Variants in USH2A observed in about 807,000 individuals in gnomAD.
USH2A encodes Usher syndrome 2A (autosomal recessive, mild).
Under a neutral mutation model 538.9 loss-of-function variants are expected in USH2A, and 443 were observed. The observed-to-expected ratio is 0.82, with a 90% CI of 0.76 to 0.89. The LOEUF is 0.89. Among genes scored for constraint, USH2A ranks in the 40% least tolerant of loss-of-function variants. USH2A has a pLI of 0.00. For synonymous variants in USH2A, 2,413 were observed against 2,273.5 expected, an observed-to-expected ratio of 1.06 and a Z score of -1.75; for missense variants, 6,633 against 6,324.8, an observed-to-expected ratio of 1.05 and a Z score of -1.65.
At chr1:215,833,974 A>C (rs1272224967) in intron 47 of USH2A, among the ~76,000 whole-genome samples, 1 of 152,254 alleles carries the variant, frequency 6.6e-6, no homozygotes, top group South Asian at 2.1e-4. Flanking sequence ...ATTAGTCATT[A>C]GGGAAAATGT....
chr1:215,667,620 C>T (rs1657671870), intron 64 of USH2A, among the ~76,000 whole-genome samples: 1 of 151,894 alleles, frequency 6.6e-6, no homozygotes, highest in Non-Finnish European at 1.5e-5. Context: ...ATTGCTTAAA[C>T]CCGGGAGGCG....
chr1:215,907,554 G>A (rs966951782), intron 38 of USH2A, among the ~76,000 whole-genome samples: 16 of 152,000 alleles, frequency 1.1e-4, no homozygotes, highest in African/African-American at 3.6e-4. Context: ...CCCAACACAG[G>A]AAGGCACTGA....
At chr1:215,780,117 TG>T in intron 54 of USH2A, 76 bp from the exon 55 acceptor site, 1 of 1,510,626 alleles carries the variant, frequency 6.6e-7, no homozygotes, top group Non-Finnish European at 9.1e-7. Flanking sequence ...ATGTCACTTT[TG>T]TTTTAAAATG....
chr1:216,292,070 G>T, intron 10 of USH2A, 105 bp downstream of exon 10: 1 of 1,309,192 alleles, frequency 7.6e-7, no homozygotes, highest in Non-Finnish European at 1.1e-6. Context: ...AGGTATGAAA[G>T]TACATCCTTA....
chr1:216,362,361 A>G (rs1041704935), intron 4 of USH2A, among the ~76,000 whole-genome samples: 1 of 152,164 alleles, frequency 6.6e-6, no homozygotes, highest in African/African-American at 2.4e-5. Context: ...TTAATGGCCA[A>G]ATAATTCTGA....
chr1:216,207,031 G>C (rs1214517144), intron 16 of USH2A, among the ~76,000 whole-genome samples: 2 of 151,966 alleles, frequency 1.3e-5, no homozygotes, highest in African/African-American at 2.4e-5. Flanking sequence ...ATCAATTCTT[G>C]ATGGGGTCAT....
At chr1:216,064,306 C>A (rs186833819) in intron 30 of USH2A, among the ~76,000 whole-genome samples, 1 of 152,244 alleles carries the variant, frequency 6.6e-6, no homozygotes, top group Admixed American at 6.5e-5. Context: ...CAGCCCTGGA[C>A]AGGCCACCAT....
At chr1:216,249,988 A>T (rs539680692) in intron 12 of USH2A, among the ~76,000 whole-genome samples, 1 of 152,242 alleles carries the variant, frequency 6.6e-6, no homozygotes, top group East Asian at 1.9e-4. Flanking sequence ...GTCTTGAATG[A>T]CAATAGAAAG....
chr1:215,796,009 G>A (rs931855239), intron 50 of USH2A, among the ~76,000 whole-genome samples: 5 of 134,280 alleles, frequency 3.7e-5, no homozygotes, highest in Non-Finnish European at 8.1e-5. Context: ...GAAAATAAAT[G>A]TTTTTCAAAT....
At chr1:215,879,567 ATCATTAT>A (rs1664857719) in intron 41 of USH2A, among the ~76,000 whole-genome samples, 1 of 152,180 alleles carries the variant, frequency 6.6e-6, no homozygotes, top group Non-Finnish European at 1.5e-5. Context: ...GGAAAGAGAA[ATCATTAT>A]TCATATTTTC....
rs113454299 is a variant in USH2A at position 215,714,672 on chromosome 1, G to A, written c.12066+13358C>T. Among the ~76,000 whole-genome samples the A allele has an allele frequency of 1.6e-3, 243 of 152,272 alleles. 1 individual carries two copies. Among genetic ancestry groups the A allele is most frequent in the Non-Finnish European group, 2.9e-3 (199 of 68,012 alleles). Reference sequence around the variant, plus strand: ...GGCAACTCTCCTCTGGGAATTAAAAGTAGTTTTCCCTTCAAATTTTTCTAC... The same window carrying A: ...GGCAACTCTCCTCTGGGAATTAAAAATAGTTTTCCCTTCAAATTTTTCTAC... On this transcript the variant is annotated intron_variant, in intron 61 of 71. Transcript: ENST00000307340.
At chr1:215,985,155 A>T (rs569169936) in intron 35 of USH2A, among the ~76,000 whole-genome samples, 1 of 152,338 alleles carries the variant, frequency 6.6e-6, no homozygotes, top group South Asian at 2.1e-4. Flanking sequence ...CCAGGAAAGA[A>T]AATAGAATCA....
chr1:216,250,438 T>C (rs1280085171), intron 12 of USH2A, among the ~76,000 whole-genome samples: 1 of 151,962 alleles, frequency 6.6e-6, no homozygotes, highest in Non-Finnish European at 1.5e-5. Flanking sequence ...TTCAAAGAAA[T>C]ATAACAGAAA....
At chr1:215,653,528 A>G (rs1312387156) in intron 64 of USH2A, among the ~76,000 whole-genome samples, 1 of 152,244 alleles carries the variant, frequency 6.6e-6, no homozygotes, top group East Asian at 1.9e-4. Flanking sequence ...AACAGAATGA[A>G]GAGAAAGCTG....
chr1:215,836,517 T>TATAA (rs1663518830), intron 47 of USH2A, among the ~76,000 whole-genome samples: 3 of 30,736 alleles, frequency 9.8e-5, no homozygotes, highest in Non-Finnish European at 1.2e-4. Flanking sequence ...TATATATATA[T>TATAA]AATATATATT....
At chr1:215,845,677 G>A in intron 45 of USH2A, 147 bp downstream of exon 45, 1 of 771,792 alleles carries the variant, frequency 1.3e-6, no homozygotes, top group Non-Finnish European at 2.2e-6. Flanking sequence ...ACTGATGACA[G>A]TGAGCACTTA....
At chr1:215,707,210 G>C (rs1659207135) in intron 61 of USH2A, among the ~76,000 whole-genome samples, 1 of 152,126 alleles carries the variant, frequency 6.6e-6, no homozygotes, top group African/African-American at 2.4e-5. Context: ...TTAGCAGAGA[G>C]GCAGAAATGA....
At chr1:216,148,415 C>T (rs908657549) in intron 21 of USH2A, among the ~76,000 whole-genome samples, 4 of 152,082 alleles carry the variant, frequency 2.6e-5, no homozygotes, top group Admixed American at 2.0e-4. Flanking sequence ...GCATCCTCCT[C>T]TTCTATCCCC....
intron 3 of USH2A, among the ~76,000 whole-genome samples, chr1:216,381,154 G>C (rs755698521): frequency 6.6e-6 from 1 of 152,068 alleles, no homozygotes; most frequent in Admixed American, 6.6e-5. Context: ...ATTGAGATAC[G>C]TACACAAAGA....
Sources: gnomAD v4.1 joint callset for allele counts (sites outside exome capture counted in the v4.1 genomes callset) on GRCh38, gnomAD v4.1.1 for gene constraint, MANE v1.5 for transcripts, NCBI Gene and HGNC (gene_info 2026-07-23, HGNC 2026-07-21) for gene names.